The following ACCSL variants were observed in gnomAD, a reference collection of about 807,000 sequenced individuals.
The protein encoded by ACCSL is 1-aminocyclopropane-1-carboxylate synthase homolog (inactive) like, also known as probable inactive 1-aminocyclopropane-1-carboxylate synthase-like protein 2.
ACCSL carries 55 observed loss-of-function variants against 61.7 expected under a neutral mutation model. The ratio of observed to expected loss-of-function variants is 0.89; its 90% confidence interval spans 0.72 to 1.12. The LOEUF (loss-of-function observed/expected upper bound fraction) is 1.12, where lower values mean the gene tolerates loss of function less well. Ranked by LOEUF, ACCSL falls within the 50% of genes most tolerant of loss-of-function variation. The pLI is 0.00. For missense variants in ACCSL, 632 were observed against 698.0 expected (o/e 0.91, Z 1.07); for synonymous variants, 258 against 264.3 (o/e 0.98, Z 0.23).
At chr11:44,050,011 G>A (rs374307818) in intron 1 of ACCSL, 51 bp from the exon 2 acceptor site, 10 of 1,612,616 alleles carry the variant, frequency 6.2e-6, no homozygotes, top group African/African-American at 1.3e-5. Context: ...AGGGATCTAT[G>A]TAGGGTGGAG....
the ACCSL span, among the ~76,000 whole-genome samples, chr11:43,951,818 T>A: frequency 8.4e-3 from 1,285 of 152,236 alleles, 15 homozygotes; most frequent in African/African-American, 0.029. Context: ...CTGGCCAACA[T>A]GGTGAAGCCC....
chr11:43,932,642 C>G, the ACCSL span, among the ~76,000 whole-genome samples: 1 of 152,198 alleles, frequency 6.6e-6, no homozygotes, highest in Non-Finnish European at 1.5e-5. Context: ...TTTGCGTGCC[C>G]TCATGCTGTT....
At chr11:43,943,731 T>C in the ACCSL span, 4 of 1,304,378 alleles carry the variant, frequency 3.1e-6, no homozygotes, top group South Asian at 3.7e-5. This position sits in a 1 kb window ranked among gnomAD's most constrained non-coding sequence, Gnocchi z 4.8. Context: ...GTTGGGACTT[T>C]GGGCGCAGCG....
At chr11:43,964,362 G>T in the ACCSL span, among the ~76,000 whole-genome samples, 1 of 151,738 alleles carries the variant, frequency 6.6e-6, no homozygotes. Flanking sequence ...ACTTGAACCT[G>T]GGAGGCAGAG....
At chr11:44,006,002 C>T in the ACCSL span, among the ~76,000 whole-genome samples, 1 of 152,176 alleles carries the variant, frequency 6.6e-6, no homozygotes, top group Non-Finnish European at 1.5e-5. Flanking sequence ...GTTCCCCACC[C>T]CATCTTTTCT....
the ACCSL span, among the ~76,000 whole-genome samples, chr11:44,018,996 T>C: frequency 2.6e-5 from 4 of 152,296 alleles, no homozygotes; most frequent in Admixed American, 2.6e-4. Flanking sequence ...CACTAATTCA[T>C]TTTCTGTCTG....
chr11:43,969,192 A>C, the ACCSL span, among the ~76,000 whole-genome samples: 1 of 151,914 alleles, frequency 6.6e-6, no homozygotes, highest in Non-Finnish European at 1.5e-5. Flanking sequence ...CTACCAAAAA[A>C]ACAAAAACAA....
the ACCSL span, among the ~76,000 whole-genome samples, chr11:43,951,558 A>G: frequency 6.7e-6 from 1 of 149,568 alleles, no homozygotes; most frequent in African/African-American, 2.6e-5. Context: ...TAAGTATTTG[A>G]GGGAATTTGA....
At chr11:43,969,960 T>TGG in the ACCSL span, among the ~76,000 whole-genome samples, 9 of 151,760 alleles carry the variant, frequency 5.9e-5, no homozygotes, top group African/African-American at 2.2e-4. Context: ...CAAATAGGTA[T>TGG]AGGGGGAGGG....
the ACCSL span, among the ~76,000 whole-genome samples, chr11:43,965,827 G>A: frequency 8.8e-4 from 134 of 152,152 alleles, no homozygotes; most frequent in Admixed American, 1.8e-3. Context: ...TTCTGATGAG[G>A]GTATCAAGAC....
At chr11:43,927,458 T>G in the ACCSL span, among the ~76,000 whole-genome samples, 45,377 of 152,136 alleles carry the variant, frequency 0.3, 6,858 homozygotes, top group Non-Finnish European at 0.33. Context: ...ACTGCATTCA[T>G]TGCTTTACAT....
At chr11:43,992,845 T>C in the ACCSL span, among the ~76,000 whole-genome samples, 1 of 152,328 alleles carries the variant, frequency 6.6e-6, no homozygotes, top group Admixed American at 6.5e-5. Flanking sequence ...TTCTCCCTCA[T>C]GTGAGTCTGA....
At chr11:43,921,546 C>T in the ACCSL span, among the ~76,000 whole-genome samples, 1 of 152,158 alleles carries the variant, frequency 6.6e-6, no homozygotes, top group African/African-American at 2.4e-5. Context: ...AATACCTGGC[C>T]AGGTGATACA....
intron 8 of ACCSL, 125 bp downstream of exon 8, chr11:44,053,631 GAA>G (rs1952653485): frequency 3.6e-6 from 3 of 825,272 alleles, no homozygotes; most frequent in Non-Finnish European, 5.8e-6. Context: ...GGGAGGCCGA[GAA>G]GGTGGATCAC....
upstream of ACCSL, among the ~76,000 whole-genome samples, chr11:44,043,093 G>A (rs770963848): frequency 2.0e-5 from 3 of 151,964 alleles, no homozygotes; most frequent in Non-Finnish European, 4.4e-5. Flanking sequence ...AAAAATAAAC[G>A]TATTTAGCTA....
chr11:43,982,226 CT>C, the ACCSL span, among the ~76,000 whole-genome samples: 15,190 of 85,900 alleles, frequency 0.18, 591 homozygotes, highest in South Asian at 0.22. Flanking sequence ...CCAAGGCCCT[CT>C]TTTTTTTTTT....
the ACCSL span, among the ~76,000 whole-genome samples, chr11:43,961,746 T>G: frequency 6.6e-6 from 1 of 152,108 alleles, no homozygotes; most frequent in Non-Finnish European, 1.5e-5. Context: ...TCCTCTCTCC[T>G]CTTTCTGATG....
chr11:43,980,687 A>G, the ACCSL span, among the ~76,000 whole-genome samples: 1 of 152,140 alleles, frequency 6.6e-6, no homozygotes, highest in African/African-American at 2.4e-5. Context: ...TGCTCTAAAT[A>G]TTGTCCCTCC....
the ACCSL span, among the ~76,000 whole-genome samples, chr11:43,968,703 C>G: frequency 1.3e-5 from 2 of 152,062 alleles, no homozygotes; most frequent in East Asian, 3.9e-4. Flanking sequence ...ATGCTTTTAC[C>G]CTCAACTTAG....
Sources: allele counts gnomAD v4.1 joint callset (sites outside exome capture counted in the v4.1 genomes callset), GRCh38; gene constraint gnomAD v4.1.1; non-coding constraint Gnocchi (gnomAD v3.1); transcripts MANE v1.5; gene names NCBI Gene and HGNC (gene_info 2026-07-23, HGNC 2026-07-21).